Variants in RAB5C observed in about 807,000 individuals in gnomAD.
The protein encoded by RAB5C is ras-related protein Rab-5C.
In RAB5C, 4 loss-of-function variants were observed where a neutral mutation model predicts 25.2. That is an observed-to-expected ratio of 0.16 (90% confidence interval 0.08 to 0.36). The LOEUF is 0.36. Among genes scored for constraint, RAB5C ranks in the 10% least tolerant of loss-of-function variants. The pLI is 1.00. For missense variants in RAB5C, 199 were observed against 283.8 expected, an observed-to-expected ratio of 0.70 and a Z score of 2.15; for synonymous variants, 100 against 106.4, an observed-to-expected ratio of 0.94 and a Z score of 0.37.
intron 1 of RAB5C, among the ~76,000 whole-genome samples, chr17:42,141,185 C>T (rs1362945309): frequency 6.6e-6 from 1 of 152,154 alleles, no homozygotes; most frequent in East Asian, 1.9e-4. Context: ...AGAAATCAAG[C>T]AATGAATAGG....
chr17:42,144,925 C>CAAAAAAAAAAAAAAAAAA (rs544870361), intron 1 of RAB5C, among the ~76,000 whole-genome samples: 3 of 31,072 alleles, frequency 9.7e-5, no homozygotes, highest in Non-Finnish European at 2.0e-4. Flanking sequence ...GACTCCGTCT[C>CAAAAAAAAAAAAAAAAAA]AAAAAAAAAA....
intron 1 of RAB5C, among the ~76,000 whole-genome samples, chr17:42,135,638 G>T (rs779649779): frequency 1.4e-3 from 216 of 152,082 alleles, no homozygotes; most frequent in Non-Finnish European, 2.4e-3. Flanking sequence ...AATGTGGGAG[G>T]GGTCTTCAGC....
In RAB5C at chr17:42,149,901, T is replaced by C. The variant is rs546770568; in HGVS notation, c.-89+4992A>G. ...GTTTTTTTTTTTTTTTTTTTTGAGA[T>C]AGACTCTTGGTCTGTTGCCCAGGCT... On this transcript the variant is annotated intron_variant, in intron 1 of 5. Transcript: ENST00000346213. Among the ~76,000 whole-genome samples the C allele has an allele frequency of 4.4e-4, 64 of 144,726 alleles. 1 individual carries two copies. The highest frequency in any genetic ancestry group is 7.0e-3 in the Middle Eastern group (2 of 286). The allele number at this position is 144,726 out of a possible 152,430, so 94.9% of individuals were successfully genotyped here. A position where few individuals can be genotyped will look rare whatever the true frequency, so the allele number is the denominator to read the frequency against.
At chr17:42,133,635 A>T (rs952933514) in intron 1 of RAB5C, among the ~76,000 whole-genome samples, 1 of 152,308 alleles carries the variant, frequency 6.6e-6, no homozygotes, top group South Asian at 2.1e-4. Flanking sequence ...TGGCAGAGAG[A>T]GAGTGAGCAC....
Position 42,128,335 on chromosome 17 carries a change from C to G in RAB5C, c.367G>C (p.Ala123Pro). 6.2e-7 allele frequency: 1 copy of G among 1,614,156 alleles called. No individual in the cohort carries two copies. The highest frequency in any genetic ancestry group is 8.5e-7 in the Non-Finnish European group (1 of 1,179,998). ...AGTGCAATGACGATGTTGGGGCTGG[C>G]CTGCCTCTGTAGCTCCTTCACCCAG... ...KNWVKELQRQ[A>P]SPNIVIALAG... Residue 123 changes from alanine (A) to proline (P), a missense_variant, in exon 4 of 6, where the codon GCC (alanine) becomes CCC (proline). By Grantham distance (27) the Ala-to-Pro change is conservative. Around this residue, in one of 3 missense-constraint regions of RAB5C, gnomAD observed 154 missense variants for 199.6 expected, o/e 0.77. Transcript: ENST00000346213.
At position 42,152,109 on chromosome 17, in the gene RAB5C, T is replaced by TTGCTTTAGATAAA. The variant is rs375121591; in HGVS notation, c.-89+2783_-89+2784insTTTATCTAAAGCA. Among the ~76,000 whole-genome samples the TTGCTTTAGATAAA allele has an allele frequency of 5.5e-3, 831 of 151,686 alleles. 5 individuals are homozygous for TTGCTTTAGATAAA. The highest frequency in any genetic ancestry group is 0.019 in the African/African-American group (793 of 41,308). On this transcript the variant is annotated intron_variant, in intron 1 of 5. Coordinates refer to ENST00000346213, the MANE Select transcript of RAB5C (RefSeq NM_004583.4). ...GCATCCCTTCTAAAGCAGGGACACT[T>TTGCTTTAGATAAA]GCCTTATCTTACTCAAAAAAAAAAA... is the stretch of plus-strand genomic sequence containing the variant.
rs545786730 is a variant in RAB5C at position 42,130,248 on chromosome 17, T to C, written c.166+89A>G. ...CACCACAGACGCATTTAGTCCCTAA[T>C]GCAGGCAGGCAGCTTCCCATCTCCT... On this transcript the variant is annotated intron_variant, in intron 2 of 5. Coordinates refer to ENST00000346213, the MANE Select transcript of RAB5C (RefSeq NM_004583.4). The C allele has an allele frequency of 1.9e-4, 282 of 1,514,808 alleles. 1 individual carries two copies. The African/African-American group carries it at 3.7e-3, about 20-fold the overall frequency. The allele number at this position is 1,514,808 out of a possible 1,614,324, so 93.8% of individuals were successfully genotyped here.
Position 42,125,578 on chromosome 17 carries a change from A to C in RAB5C, c.*205T>G. On this transcript the variant is annotated 3_prime_UTR_variant, in exon 6 of 6. Coordinates refer to ENST00000346213, the MANE Select transcript of RAB5C (RefSeq NM_004583.4). ...ATATTAAAAAAGTGACTTAAGACTT[A>C]AAATTGAATTAGTATTTGTACAGAA... is the stretch of plus-strand genomic sequence containing the variant. 1.8e-6 allele frequency: 1 copy of C among 542,404 alleles called. No homozygotes were observed. The highest frequency in any genetic ancestry group is 2.5e-5 in the South Asian group (1 of 39,568). The allele number at this position is 542,404 out of a possible 1,614,324, so 33.6% of individuals were successfully genotyped here. A position where few individuals can be genotyped will look rare whatever the true frequency, so the allele number is the denominator to read the frequency against.
intron 1 of RAB5C, among the ~76,000 whole-genome samples, chr17:42,147,493 G>A (rs1332710431): frequency 2.6e-5 from 4 of 152,214 alleles, no homozygotes; most frequent in Admixed American, 6.5e-5. Context: ...ATACACACAC[G>A]GCAGAAGCCA....
intron 1 of RAB5C, among the ~76,000 whole-genome samples, chr17:42,133,802 T>C (rs1458323923): frequency 6.6e-6 from 1 of 152,238 alleles, no homozygotes; most frequent in African/African-American, 2.4e-5. Flanking sequence ...ACACATCATG[T>C]TGAGTAAACA....
Position 42,128,317 on chromosome 17 carries a change from T to A in RAB5C, c.385A>T (p.Ile129Phe). 1.2e-6 allele frequency: 2 copies of A among 1,614,098 alleles called. No individual in the cohort carries two copies. Among genetic ancestry groups the A allele is most frequent in the East Asian group, 4.5e-5 (2 of 44,872 alleles). Residue 129 changes from isoleucine to phenylalanine, a missense_variant, in exon 4 of 6, where the codon ATT becomes TTT. Physicochemically the swap from Ile to Phe is conservative, Grantham distance 21 (BLOSUM62 0). Around this residue, in one of 3 missense-constraint regions of RAB5C, gnomAD observed 154 missense variants for 199.6 expected, o/e 0.77. Transcript: ENST00000346213. ...TCTGCCTTGTTACCCGCGAGTGCAA[T>A]GACGATGTTGGGGCTGGCCTGCCTC... The part of the protein sequence containing the change: ...LQRQASPNIV[I>F]ALAGNKADLA...
Position 42,128,741 on chromosome 17 carries a change from C to G in RAB5C, c.226G>C (p.Asp76His), listed in dbSNP as rs1427461183. The G allele has an allele frequency of 6.3e-7, 1 of 1,585,776 alleles. No homozygotes were observed. Among genetic ancestry groups the G allele is most frequent in the South Asian group, 1.1e-5 (1 of 87,050 alleles). ...DDTTVKFEIW[D>H]TAGQERYHSL... ...TGATACCGCTCCTGTCCAGCTGTGT[C>G]CCAGATCTCAAACTTGACTGTTGTG... Residue 76 changes from aspartate to histidine, a missense_variant, in exon 3 of 6, where the codon GAC becomes CAC. Asp to His is a moderately conservative substitution (Grantham distance 81). Coordinates refer to ENST00000346213, the MANE Select transcript of RAB5C (RefSeq NM_004583.4).
In RAB5C at chr17:42,147,144, A is replaced by AAG. The variant is rs572493429; in HGVS notation, c.-89+7747_-89+7748dup. 6.7e-3 allele frequency among the ~76,000 whole-genome samples: 667 copies of AAG among 99,660 alleles called. 5 individuals carry two copies. The highest frequency in any genetic ancestry group is 0.044 in the East Asian group (174 of 3,918). The allele number at this position is 99,660 out of a possible 152,430, so 65.4% of individuals were successfully genotyped here. A position where few individuals can be genotyped will look rare whatever the true frequency, so the allele number is the denominator to read the frequency against. On this transcript the variant is annotated intron_variant, in intron 1 of 5. Transcript: ENST00000346213. ...AGAAACAGAAAGAAAGAAAGAAAGA[A>AAG]AGAGAGAGAGAGAGAGAGAGAGAGA...
At chr17:42,133,002 C>T (rs370349936) in intron 1 of RAB5C, among the ~76,000 whole-genome samples, 20 of 152,240 alleles carry the variant, frequency 1.3e-4, no homozygotes, top group African/African-American at 4.3e-4. Context: ...TTTAGGGCTG[C>T]TAGGTGAATG....
Position 42,128,256 on chromosome 17 carries a change from C to G in RAB5C, c.441+5G>C, listed in dbSNP as rs746821317. On this transcript the variant is annotated splice_donor_5th_base_variant and intron_variant, in intron 4 of 5. Coordinates refer to ENST00000346213, the MANE Select transcript of RAB5C (RefSeq NM_004583.4). ...CTCCTTCCCCCAAGTCTGTCATCTC[C>G]CCACCTGGAATTCCACGGCTCTCTT... 1 of 1,612,778 alleles carries G rather than the reference C, an allele frequency of 6.2e-7. No homozygotes were observed. Among genetic ancestry groups the G allele is most frequent in the Non-Finnish European group, 8.5e-7 (1 of 1,179,250 alleles).
chr17:42,139,485 C>T (rs1164433634), intron 1 of RAB5C, among the ~76,000 whole-genome samples: 4 of 152,058 alleles, frequency 2.6e-5, no homozygotes, highest in Admixed American at 1.3e-4. Context: ...TTTTTTGAGA[C>T]GGAATCTTGC....
At chr17:42,137,102 T>TG (rs2054544663) in intron 1 of RAB5C, among the ~76,000 whole-genome samples, 1 of 151,892 alleles carries the variant, frequency 6.6e-6, no homozygotes, top group Non-Finnish European at 1.5e-5. Context: ...GGTCAGGAGT[T>TG]GGAGACCAGC....
At chr17:42,134,478 G>A (rs2054516633) in intron 1 of RAB5C, among the ~76,000 whole-genome samples, 1 of 152,212 alleles carries the variant, frequency 6.6e-6, no homozygotes, top group Non-Finnish European at 1.5e-5. Context: ...TTGGGAGGCT[G>A]AGGCACAAGA....
chr17:42,139,162 C>G (rs2054566480), intron 1 of RAB5C, among the ~76,000 whole-genome samples: 1 of 152,244 alleles, frequency 6.6e-6, no homozygotes, highest in African/African-American at 2.4e-5. Context: ...AGGACATCTC[C>G]ATGGATCTGC....
Sources: allele counts gnomAD v4.1 joint callset (sites outside exome capture counted in the v4.1 genomes callset), GRCh38; gene constraint gnomAD v4.1.1; regional missense constraint gnomAD v4.1.1; transcripts MANE v1.5; gene names NCBI Gene and HGNC (gene_info 2026-07-23, HGNC 2026-07-21).